The following HIVEP2 variants were observed in gnomAD, a reference collection of about 807,000 sequenced individuals.
HIVEP2 encodes the protein transcription factor HIVEP2.
A neutral mutation model predicts 180.7 loss-of-function variants in HIVEP2; 14 were observed. The observed-to-expected ratio is 0.08, with a 90% CI of 0.05 to 0.12. The LOEUF is 0.12. Ranked by LOEUF, HIVEP2 falls within the 10% of genes least tolerant of loss-of-function variation. The pLI is 1.00. For synonymous variants in HIVEP2, 1,184 were observed against 1,136.4 expected (o/e 1.04, Z -0.84); for missense variants, 2,579 against 3,008.5 (o/e 0.86, Z 3.34).
At chr6:142,874,662 A>T (rs1776382046) in intron 1 of HIVEP2, among the ~76,000 whole-genome samples, 1 of 152,152 alleles carries the variant, frequency 6.6e-6, no homozygotes, top group South Asian at 2.1e-4. Context: ...AAGAAGGAAA[A>T]TTATTGACAA....
chr6:142,807,067 G>A (rs1486819701), intron 2 of HIVEP2, among the ~76,000 whole-genome samples: 3 of 152,160 alleles, frequency 2.0e-5, no homozygotes, highest in Admixed American at 2.0e-4. Context: ...AGATCTTGAA[G>A]GACTGAGTTA....
At chr6:142,938,051 G>A (rs1295953522) in intron 1 of HIVEP2, among the ~76,000 whole-genome samples, 6 of 152,156 alleles carry the variant, frequency 3.9e-5, no homozygotes, top group Non-Finnish European at 5.9e-5. Flanking sequence ...CAACTACAAA[G>A]TAGAATTTAT....
At chr6:142,929,798 T>C (rs1777898606) in intron 1 of HIVEP2, among the ~76,000 whole-genome samples, 1 of 152,206 alleles carries the variant, frequency 6.6e-6, no homozygotes, top group African/African-American at 2.4e-5. Flanking sequence ...CAGTAAGTTG[T>C]TACCATAATG....
chr6:142,771,251 C>A lies in HIVEP2; in HGVS notation c.3488G>T (p.Ser1163Ile). 1 of 1,614,106 alleles carries A rather than the reference C, an allele frequency of 6.2e-7. No individual in the cohort carries two copies. Among genetic ancestry groups the A allele is most frequent in the Non-Finnish European group, 8.5e-7 (1 of 1,180,032 alleles). Residue 1163 changes from serine to isoleucine, a missense_variant, in exon 5 of 10, where the codon AGT becomes ATT. Coordinates refer to ENST00000367603, the MANE Select transcript of HIVEP2 (RefSeq NM_006734.4). This position sits in a 1 kb window ranked among gnomAD's most constrained non-coding sequence, Gnocchi z 5.4. ...LAQPQIMHMD[S>I]QESLRNPLIQ... is the part of the protein sequence containing the mutation. ...CAAGGGATTTCTCAAAGATTCCTGA[C>A]TGTCCATGTGCATGATCTGTGGCTG...
intron 2 of HIVEP2, among the ~76,000 whole-genome samples, chr6:142,788,859 T>A (rs547685558): frequency 6.6e-6 from 1 of 152,318 alleles, no homozygotes; most frequent in South Asian, 2.1e-4. Context: ...GAATGGTCAC[T>A]CCTTTCTGGA....
chr6:142,863,078 T>C (rs1377439490), intron 1 of HIVEP2, among the ~76,000 whole-genome samples: 2 of 144,360 alleles, frequency 1.4e-5, no homozygotes, highest in Non-Finnish European at 3.0e-5. Flanking sequence ...TGTAATTATA[T>C]GTAATATATA....
intron 2 of HIVEP2, among the ~76,000 whole-genome samples, chr6:142,817,391 C>T (rs964300480): frequency 2.0e-5 from 3 of 152,210 alleles, no homozygotes; most frequent in African/African-American, 7.2e-5. Context: ...AGACGACCAG[C>T]AGTCACATAT....
rs35534571 is a variant in HIVEP2 at position 142,828,444 on chromosome 6, AT to A, written c.-528+8490del. Among the ~76,000 whole-genome samples the A allele has an allele frequency of 9.9e-3, 1,472 of 148,472 alleles. 16 individuals carry two copies. The highest frequency in any genetic ancestry group is 0.012 in the Non-Finnish European group (773 of 66,748). ...CCTGCTTTGGATTTTAGTTGAGCTA[AT>A]TTTTTTTTTTCAAGACAGAGTCTTG... On this transcript the variant is annotated intron_variant, in intron 2 of 9. Coordinates refer to ENST00000367603, the MANE Select transcript of HIVEP2 (RefSeq NM_006734.4).
chr6:142,885,489 G>A (rs1776674018), intron 1 of HIVEP2, among the ~76,000 whole-genome samples: 1 of 152,058 alleles, frequency 6.6e-6, no homozygotes. Context: ...CACAGATAAA[G>A]CTAAACAACA....
rs1483847155 is a variant in HIVEP2 at position 142,753,424 on chromosome 6, C to G, written c.7024G>C (p.Glu2342Gln). 1.2e-6 allele frequency: 2 copies of G among 1,613,986 alleles called. No homozygotes were observed. Among genetic ancestry groups the G allele is most frequent in the South Asian group, 2.2e-5 (2 of 91,090 alleles). The change falls in exon 10 of 10, where the codon GAG becomes CAG. Residue 2342 changes from glutamate to glutamine, a missense_variant. Around this residue, in one of 11 missense-constraint regions of HIVEP2, gnomAD observed 660 missense variants for 731.7 expected, o/e 0.90. Coordinates refer to ENST00000367603, the MANE Select transcript of HIVEP2 (RefSeq NM_006734.4). ...AIASLRIATEEAALLGPDQPA... is the reference protein window; with the variant it reads ...AIASLRIATEQAALLGPDQPA... ...TGATCTGGCCCGAGCAGAGCTGCCT[C>G]TTCCGTGGCAATCCGGAGAGAGGCA...
In HIVEP2 at chr6:142,941,662, G is replaced by A. The variant is rs1012677799; in HGVS notation, c.-641+3437C>T. Among the ~76,000 whole-genome samples, 4 of 152,240 alleles carry A rather than the reference G, an allele frequency of 2.6e-5. No individual in the cohort carries two copies. The East Asian group carries it at 7.7e-4, about 29-fold the overall frequency. The stretch of plus-strand genomic sequence containing the variant: ...AAGCAAATCCATACACTCTGGATGG[G>A]TTTGAAGTTCCTTATGAAACCTTAA... On this transcript the variant is annotated intron_variant, in intron 1 of 9. Transcript: ENST00000367603.
intron 1 of HIVEP2, among the ~76,000 whole-genome samples, chr6:142,846,958 C>G (rs889930408): frequency 2.6e-5 from 4 of 152,208 alleles, no homozygotes; most frequent in Non-Finnish European, 5.9e-5. Flanking sequence ...ACTTCTGCCC[C>G]TGAAGCGACT....
chr6:142,826,030 T>C (rs138098482), intron 2 of HIVEP2, among the ~76,000 whole-genome samples: 29 of 152,306 alleles, frequency 1.9e-4, no homozygotes, highest in South Asian at 4.1e-4. Context: ...TTTGCTTCTA[T>C]ATTCTAAGTA....
chr6:142,838,049 C>A (rs1020374336), intron 1 of HIVEP2, among the ~76,000 whole-genome samples: 1 of 151,970 alleles, frequency 6.6e-6, no homozygotes, highest in Non-Finnish European at 1.5e-5. Context: ...ACCCACTAAC[C>A]ACATTAACAA....
rs369550189 is a variant in HIVEP2 at position 142,786,354 on chromosome 6, T to G, written c.-527-2739A>C. 8.5e-5 allele frequency among the ~76,000 whole-genome samples: 13 copies of G among 152,320 alleles called. 2 individuals are homozygous for G. In the South Asian group the frequency reaches 2.7e-3, roughly 32 times the overall value. On this transcript the variant is annotated intron_variant, in intron 2 of 9. Coordinates refer to ENST00000367603, the MANE Select transcript of HIVEP2 (RefSeq NM_006734.4). The stretch of plus-strand genomic sequence containing the variant: ...AATATTTAATAAAACAAACAAGTTT[T>G]CAGAAATAGTGCTAATGAATCTTGA...
intron 1 of HIVEP2, among the ~76,000 whole-genome samples, chr6:142,928,487 C>T (rs1175663962): frequency 6.6e-6 from 1 of 152,022 alleles, no homozygotes; most frequent in Non-Finnish European, 1.5e-5. Context: ...AAGACTTTAC[C>T]ATTTAATATA....
rs187312087 is a variant in HIVEP2 at position 142,926,328 on chromosome 6, A to C, written c.-641+18771T>G. Among the ~76,000 whole-genome samples, 11 of 152,344 alleles carry C rather than the reference A, an allele frequency of 7.2e-5. No individual in the cohort carries two copies. In the East Asian group the frequency reaches 9.6e-4, roughly 13 times the overall value. ...AAACCAAATTAATCATATTCCCTAA[A>C]TAACAACAGCTAAAATCATGAACAC... On this transcript the variant is annotated intron_variant, in intron 1 of 9. Transcript: ENST00000367603.
intron 1 of HIVEP2, among the ~76,000 whole-genome samples, chr6:142,842,843 C>T (rs1391238007): frequency 6.6e-6 from 1 of 151,914 alleles, no homozygotes; most frequent in African/African-American, 2.4e-5. Context: ...TGATTAGGAT[C>T]TGGTGGTTGT....
At chr6:142,917,494 A>C (rs910077783) in intron 1 of HIVEP2, among the ~76,000 whole-genome samples, 42 of 152,228 alleles carry the variant, frequency 2.8e-4, no homozygotes, top group Non-Finnish European at 2.2e-4. Context: ...AACAAATTTT[A>C]TTCTCATTAA....
Sources: allele counts gnomAD v4.1 joint callset (sites outside exome capture counted in the v4.1 genomes callset), GRCh38; gene constraint gnomAD v4.1.1; regional missense constraint gnomAD v4.1.1; non-coding constraint Gnocchi (gnomAD v3.1); transcripts MANE v1.5; gene names NCBI Gene and HGNC (gene_info 2026-07-23, HGNC 2026-07-21).